Variants in ATG4A observed in about 807,000 individuals in gnomAD.
ATG4A encodes the protein cysteine protease ATG4A.
In ATG4A, 22 loss-of-function variants were observed where a neutral mutation model predicts 38.4. That is an observed-to-expected ratio of 0.57 (90% CI 0.41 to 0.82). ATG4A has a LOEUF of 0.82. Ranked by LOEUF, ATG4A falls within the 40% of genes least tolerant of loss-of-function variation. The pLI, the probability that ATG4A is intolerant of heterozygous loss-of-function variation, is 0.00. For missense variants in ATG4A, 220 were observed against 290.0 expected, an observed-to-expected ratio of 0.76 and a Z score of 1.75; for synonymous variants, 86 against 100.7, an observed-to-expected ratio of 0.85 and a Z score of 0.88.
At chrX:108,091,580 G>T, upstream of ATG4A, 1 of 1,083,437 alleles carries the variant, frequency 9.2e-7, no homozygotes, top group African/African-American at 1.8e-5. Flanking sequence ...CGCCGGCTCC[G>T]GCTACGCCAG....
At chrX:108,105,784 A>G (rs185152644) in intron 1 of ATG4A, among the ~76,000 whole-genome samples, 127 of 111,123 alleles carry the variant, frequency 1.1e-3, no homozygotes, top group Non-Finnish European at 2.0e-3. Flanking sequence ...AGCCCTCCAA[A>G]AACACAGAAC....
chrX:108,106,672 A>G (rs2032181730), intron 1 of ATG4A, among the ~76,000 whole-genome samples: 1 of 112,145 alleles, frequency 8.9e-6, no homozygotes, highest in Non-Finnish European at 1.9e-5. Flanking sequence ...GCAAATTTAG[A>G]TTGACAGTTC....
intron 1 of ATG4A, among the ~76,000 whole-genome samples, chrX:108,124,492 A>G (rs1295031368): frequency 9.3e-6 from 1 of 107,741 alleles, no homozygotes; most frequent in Non-Finnish European, 1.9e-5. Context: ...TTACTGTGTC[A>G]CCAGGCTGGA....
rs766327617 is a variant in ATG4A, at chrX:108,140,610, A to G, written c.814+2419A>G. Among the ~76,000 whole-genome samples the G allele has an allele frequency of 1.3e-4, 14 of 104,536 alleles. No homozygotes were observed. In the East Asian group the frequency reaches 4.0e-3, roughly 30 times the overall value. The allele number at this position is 104,536 out of a possible 115,157, so 90.8% of individuals were successfully genotyped here. ...ACATATATATACATTATATATATAA[A>G]ATATATATATAAAATGTATTACATA... On this transcript the variant is annotated intron_variant, in intron 9 of 12. Transcript: ENST00000372232.
In ATG4A at chrX:108,152,943, T is replaced by A. The variant is rs760208052; in HGVS notation, c.1018-36T>A. 26 of 1,040,753 alleles carry A rather than the reference T, an allele frequency of 2.5e-5. No individual in the cohort carries two copies. In the South Asian group the frequency reaches 4.8e-4, roughly 19 times the overall value. 85.8% of individuals were successfully genotyped at this position (1,040,753 alleles called of 1,213,427 possible). The stretch of plus-strand genomic sequence containing the variant: ...GATTGCCAATTAGAAATGTTGTGAC[T>A]CTGAAGTATTTAAAACTGTTTTGTC... On this transcript the variant is annotated intron_variant, in intron 11 of 12. Transcript: ENST00000372232.
Position 108,107,874 on chromosome X carries a change from C to T in ATG4A, c.10+16038C>T, listed in dbSNP as rs6622291. Among the ~76,000 whole-genome samples, 34 of 111,121 alleles carry T rather than the reference C, an allele frequency of 3.1e-4. 1 individual carries two copies. The East Asian group carries it at 7.7e-3, about 25-fold the overall frequency. ...ACAGGCCTCTACAACCATCATATGC[C>T]GGGGGACTCATTACTGCCTGGCAAG... On this transcript the variant is annotated intron_variant, in intron 1 of 12. Coordinates refer to ENST00000372232, the MANE Select transcript of ATG4A (RefSeq NM_052936.5).
At chrX:108,131,605 G>A (rs886314587) in intron 4 of ATG4A, among the ~76,000 whole-genome samples, 1 of 112,034 alleles carries the variant, frequency 8.9e-6, no homozygotes, top group Non-Finnish European at 1.9e-5. Context: ...ACTGAACATC[G>A]AGGGAGGTAT....
At chrX:108,112,512 C>T (rs945367785) in intron 1 of ATG4A, among the ~76,000 whole-genome samples, 3 of 110,251 alleles carry the variant, frequency 2.7e-5, no homozygotes, top group African/African-American at 9.9e-5. Context: ...CTGCCTCAGC[C>T]TCCTCAGTAG....
chrX:108,130,652 C>T (rs777127090), intron 3 of ATG4A, among the ~76,000 whole-genome samples: 1 of 111,992 alleles, frequency 8.9e-6, no homozygotes, highest in East Asian at 2.8e-4. Flanking sequence ...CTATTATGCT[C>T]AGCCTATAGG....
chrX:108,099,512 T>C (rs1335917006), intron 1 of ATG4A, among the ~76,000 whole-genome samples: 4 of 111,774 alleles, frequency 3.6e-5, no homozygotes, highest in Non-Finnish European at 7.6e-5. Context: ...ATTCAACTTA[T>C]TGATTTTTTT....
At chrX:108,136,025 A>G (rs1433832166) in intron 6 of ATG4A, among the ~76,000 whole-genome samples, 1 of 110,559 alleles carries the variant, frequency 9.0e-6, no homozygotes, top group African/African-American at 3.3e-5. Flanking sequence ...CTCGTGATCC[A>G]CCCGTCTCAA....
intron 1 of ATG4A, among the ~76,000 whole-genome samples, chrX:108,119,712 G>T (rs181389026): frequency 1.3e-3 from 150 of 111,144 alleles, no homozygotes; most frequent in Non-Finnish European, 2.5e-3. Context: ...CAAATTTTGG[G>T]GCTCCTAGAA....
chrX:108,091,822 G>C lies in ATG4A; in HGVS notation c.-5G>C. ...GTGGAATTGGCCCAGGATGACAGCT[G>C]GAGAATGGAGTCAGGTACGGGGAGC... is the stretch of plus-strand genomic sequence containing the variant. On this transcript the variant is annotated 5_prime_UTR_variant, in exon 1 of 13. Transcript: ENST00000372232. The C allele has an allele frequency of 8.3e-7, 1 of 1,211,956 alleles. No individual in the cohort carries two copies. The highest frequency in any genetic ancestry group is 1.1e-6 in the Non-Finnish European group (1 of 895,531).
intron 1 of ATG4A, among the ~76,000 whole-genome samples, chrX:108,105,672 C>T (rs2032149328): frequency 8.9e-6 from 1 of 111,956 alleles, no homozygotes. Flanking sequence ...AGTTACCCAC[C>T]ACTTTCCTTT....
chrX:108,091,866 G>A (rs1480764424), intron 1 of ATG4A, 30 bp downstream of exon 1: 1 of 1,208,908 alleles, frequency 8.3e-7, no homozygotes, highest in African/African-American at 1.8e-5. Context: ...GTGGAACCGT[G>A]TGAAAGAGCC....
chrX:108,141,060 GTATATATATACATATATATATA>G (rs1184396724), intron 9 of ATG4A, among the ~76,000 whole-genome samples: 4 of 30,030 alleles, frequency 1.3e-4, no homozygotes, highest in Admixed American at 4.7e-4. Flanking sequence ...ATATATACGT[GTATATATATACATATATATATA>G]TATATATATA....
intron 1 of ATG4A, among the ~76,000 whole-genome samples, chrX:108,098,176 T>C (rs758440659): frequency 7.2e-5 from 8 of 111,620 alleles, no homozygotes; most frequent in African/African-American, 2.6e-4. Context: ...TCCCGTGTTT[T>C]GATCCCACAT....
Position 108,114,867 on chromosome X carries a change from C to A in ATG4A, c.11-11210C>A, listed in dbSNP as rs754418960. On this transcript the variant is annotated intron_variant, in intron 1 of 12. Coordinates refer to ENST00000372232, the MANE Select transcript of ATG4A (RefSeq NM_052936.5). ...CCAAAGGCACTGGAGCCATCTCAGC[C>A]TAATGACCTCTCAATTAATTTTTTT... Among the ~76,000 whole-genome samples the A allele has an allele frequency of 1.6e-3, 182 of 111,688 alleles. 1 individual carries two copies. The Middle Eastern group carries it at 0.019, about 11-fold the overall frequency.
intron 9 of ATG4A, among the ~76,000 whole-genome samples, chrX:108,148,970 C>T (rs890926378): frequency 1.8e-5 from 2 of 112,519 alleles, no homozygotes; most frequent in Admixed American, 9.4e-5. Context: ...ATCTTCTGGT[C>T]CTTGTAATAT....
Sources: gnomAD v4.1 joint callset for allele counts (sites outside exome capture counted in the v4.1 genomes callset) on GRCh38, gnomAD v4.1.1 for gene constraint, MANE v1.5 for transcripts, NCBI Gene and HGNC (gene_info 2026-07-23, HGNC 2026-07-21) for gene names.